Variants in MAGI1 observed in about 807,000 individuals in gnomAD.
MAGI1 encodes membrane associated guanylate kinase, WW and PDZ domain containing 1.
MAGI1 carries 58 observed loss-of-function variants against 139.9 expected under a neutral mutation model. The observed-to-expected ratio is 0.41, with a 90% CI of 0.34 to 0.52. The LOEUF (loss-of-function observed/expected upper bound fraction) is 0.52. Among genes scored for constraint, MAGI1 ranks in the 20% least tolerant of loss-of-function variants. The pLI is 0.12. For synonymous variants in MAGI1, 812 were observed against 737.9 expected (o/e 1.10, Z -1.63); for missense variants, 1,874 against 1,901.6 (o/e 0.99, Z 0.27).
intron 1 of MAGI1, chr3:65,687,800 C>A: frequency 1.7e-6 from 1 of 582,870 alleles, no homozygotes; most frequent in South Asian, 1.4e-5. Context: ...GCTTGGAAAT[C>A]AGTTCTTCTG....
At chr3:65,764,497 G>A (rs567769779) in intron 1 of MAGI1, among the ~76,000 whole-genome samples, 38 of 152,278 alleles carry the variant, frequency 2.5e-4, no homozygotes, top group African/African-American at 8.9e-4. Flanking sequence ...AGAAGAAAAG[G>A]AACATCAGTT....
At chr3:65,545,037 G>C (rs1301547244) in intron 2 of MAGI1, among the ~76,000 whole-genome samples, 1 of 152,134 alleles carries the variant, frequency 6.6e-6, no homozygotes, top group Non-Finnish European at 1.5e-5. Context: ...ACGGAAACTT[G>C]TACATTAGTT....
intron 1 of MAGI1, among the ~76,000 whole-genome samples, chr3:65,695,585 T>C (rs1285843847): frequency 1.3e-5 from 2 of 152,192 alleles, no homozygotes; most frequent in Non-Finnish European, 2.9e-5. Flanking sequence ...AATTATGAAG[T>C]TCATCCATTT....
intron 1 of MAGI1, among the ~76,000 whole-genome samples, chr3:66,017,865 G>C (rs1374962583): frequency 6.6e-6 from 1 of 152,074 alleles, no homozygotes; most frequent in African/African-American, 2.4e-5. Flanking sequence ...AGGACTCTTA[G>C]GAAAACACAA....
At chr3:65,953,830 C>T (rs942243951) in intron 1 of MAGI1, among the ~76,000 whole-genome samples, 2 of 152,150 alleles carry the variant, frequency 1.3e-5, no homozygotes, top group African/African-American at 2.4e-5. Flanking sequence ...TAACATTTAT[C>T]TAGAAAGGCA....
intron 1 of MAGI1, among the ~76,000 whole-genome samples, chr3:66,033,471 G>GA (rs759956570): frequency 6.6e-6 from 1 of 152,164 alleles, no homozygotes; most frequent in African/African-American, 2.4e-5. Flanking sequence ...CAGCACACCA[G>GA]AAGGAGGTCA....
intron 2 of MAGI1, among the ~76,000 whole-genome samples, chr3:65,557,997 A>C (rs2080167168): frequency 6.6e-6 from 1 of 152,094 alleles, no homozygotes. Context: ...CCTTCTACCC[A>C]CGAGTCAATT....
At position 66,004,415 on chromosome 3, in the gene MAGI1, T is replaced by C. The variant is rs1048434612; in HGVS notation, c.313+33581A>G. Among the ~76,000 whole-genome samples, 4 of 152,150 alleles carry C rather than the reference T, an allele frequency of 2.6e-5. No homozygotes were observed. The South Asian group carries it at 8.3e-4, about 32-fold the overall frequency. On this transcript the variant is annotated intron_variant, in intron 1 of 22. Transcript: ENST00000402939. Reference sequence around the variant, plus strand: ...ACGTGGCCTCTCTGCGTGGTCTCTCTGTGTGGGCTTAGTCTGGGCTTCCTC... The same window carrying C: ...ACGTGGCCTCTCTGCGTGGTCTCTCCGTGTGGGCTTAGTCTGGGCTTCCTC...
At chr3:65,801,481 T>G (rs2040509635) in intron 1 of MAGI1, among the ~76,000 whole-genome samples, 1 of 152,118 alleles carries the variant, frequency 6.6e-6, no homozygotes, top group Admixed American at 6.6e-5. Context: ...ATAACCGTAC[T>G]TGGATCACTT....
chr3:65,761,898 T>C lies in MAGI1; in HGVS notation c.314-139810A>G, dbSNP rs148015622. Among the ~76,000 whole-genome samples, 25 of 152,160 alleles carry C rather than the reference T, an allele frequency of 1.6e-4. 1 individual carries two copies. Among genetic ancestry groups the C allele is most frequent in the African/African-American group, 5.8e-4 (24 of 41,514 alleles). On this transcript the variant is annotated intron_variant, in intron 1 of 22. Coordinates refer to ENST00000402939, the MANE Select transcript of MAGI1 (RefSeq NM_001033057.2). ...GGATGGTACTGTGAGAAATGAAAAA[T>C]GGTCCTGACAAGATGAAAAGCTGCA...
chr3:65,383,641 A>C lies in MAGI1; in HGVS notation c.2417-18T>G. 6.8e-7 allele frequency: 1 copy of C among 1,468,000 alleles called. No homozygotes were observed. The highest frequency in any genetic ancestry group is 1.4e-5 in the African/African-American group (1 of 72,166). The allele number at this position is 1,468,000 out of a possible 1,614,324, so 90.9% of individuals were successfully genotyped here. A position where few individuals can be genotyped will look rare whatever the true frequency, so the allele number is the denominator to read the frequency against. On this transcript the variant is annotated intron_variant, in intron 14 of 22. Coordinates refer to ENST00000402939, the MANE Select transcript of MAGI1 (RefSeq NM_001033057.2). ...ATCTGGAACTGCAGAGAGGGGAGAA[A>C]AAAGAGAAGGATTATTTTACTGATA...
At chr3:66,028,926 A>C (rs1233648193) in intron 1 of MAGI1, among the ~76,000 whole-genome samples, 1 of 152,284 alleles carries the variant, frequency 6.6e-6, no homozygotes, top group East Asian at 1.9e-4. Context: ...TTCTCTCCCA[A>C]GGGCTTTCAA....
intron 21 of MAGI1, among the ~76,000 whole-genome samples, chr3:65,362,843 C>A (rs1941012843): frequency 6.6e-6 from 1 of 152,152 alleles, no homozygotes; most frequent in Non-Finnish European, 1.5e-5. Context: ...CTAATCTGCC[C>A]AGGAGAACAG....
At chr3:65,499,473 C>A (rs2077000617) in intron 2 of MAGI1, among the ~76,000 whole-genome samples, 1 of 152,104 alleles carries the variant, frequency 6.6e-6, no homozygotes, top group Non-Finnish European at 1.5e-5. Flanking sequence ...CACGGTGAAA[C>A]CCCATCTCTA....
chr3:65,832,952 A>G (rs555416951), intron 1 of MAGI1, among the ~76,000 whole-genome samples: 6 of 152,206 alleles, frequency 3.9e-5, no homozygotes, highest in Non-Finnish European at 7.3e-5. Flanking sequence ...CATTCTTACT[A>G]CATTTCACTA....
intron 3 of MAGI1, among the ~76,000 whole-genome samples, chr3:65,491,360 A>G (rs896982971): frequency 3.9e-5 from 6 of 152,138 alleles, no homozygotes; most frequent in Non-Finnish European, 5.9e-5. Flanking sequence ...CTCCACCTAT[A>G]TATCATTTGT....
At position 65,375,716 on chromosome 3, in the gene MAGI1, G is replaced by A. The variant is rs752715888; in HGVS notation, c.3196+29C>T. ...AGACAGAGAGAGAGAAAAAGAGAGA[G>A]AGAGAGAGAGATAATAGGTATACTT... On this transcript the variant is annotated intron_variant, in intron 18 of 22. Transcript: ENST00000402939. The A allele has an allele frequency of 5.9e-6, 9 of 1,518,676 alleles. No homozygotes were observed. The South Asian group carries it at 9.0e-5, about 15-fold the overall frequency. The allele number at this position is 1,518,676 out of a possible 1,614,324, so 94.1% of individuals were successfully genotyped here.
rs1950795681 is a variant in MAGI1 at position 65,474,981 on chromosome 3, T to C, written c.757+3611A>G. 2.0e-5 allele frequency among the ~76,000 whole-genome samples: 3 copies of C among 152,266 alleles called. No homozygotes were observed. The South Asian group carries it at 6.2e-4, about 32-fold the overall frequency. On this transcript the variant is annotated intron_variant, in intron 4 of 22. Transcript: ENST00000402939. ...AAGTGCTTGCCATATAGTCCATACTTGAGAAACATTAGCTCTTATAGAAAT... is the reference window on the plus strand; with the variant it reads ...AAGTGCTTGCCATATAGTCCATACTCGAGAAACATTAGCTCTTATAGAAAT...
At chr3:65,766,803 C>T (rs1055227623) in intron 1 of MAGI1, among the ~76,000 whole-genome samples, 4 of 152,000 alleles carry the variant, frequency 2.6e-5, no homozygotes, top group East Asian at 2.0e-4. Flanking sequence ...GCAGGAGAAT[C>T]GCTTAAACCT....
Sources: gnomAD v4.1 joint callset for allele counts (sites outside exome capture counted in the v4.1 genomes callset) on GRCh38, gnomAD v4.1.1 for gene constraint, MANE v1.5 for transcripts, NCBI Gene and HGNC (gene_info 2026-07-23, HGNC 2026-07-21) for gene names.